TNFSF8: variants seen among roughly 807,000 people sequenced by gnomAD.
TNFSF8 encodes the protein TNF superfamily member 8.
A neutral mutation model predicts 22.0 loss-of-function variants in TNFSF8; 4 were observed. The ratio of observed to expected loss-of-function variants is 0.18; its 90% CI spans 0.09 to 0.42. TNFSF8 has a LOEUF of 0.42. Ranked by LOEUF, TNFSF8 falls within the 10% of genes least tolerant of loss-of-function variation. The pLI, the probability that TNFSF8 is intolerant of heterozygous loss-of-function variation, is 1.00. For synonymous variants in TNFSF8, 106 were observed against 112.5 expected, an observed-to-expected ratio of 0.94 and a Z score of 0.37; for missense variants, 233 against 281.8, an observed-to-expected ratio of 0.83 and a Z score of 1.24.
intron 1 of TNFSF8, among the ~76,000 whole-genome samples, chr9:114,918,634 G>T (rs1222779342): frequency 1.3e-5 from 2 of 152,094 alleles, no homozygotes; most frequent in African/African-American, 2.4e-5. Context: ...AAGGAGTCTT[G>T]CTCTGTTGCC....
Position 114,901,346 on chromosome 9 carries a change from C to G in TNFSF8, c.*2585G>C, listed in dbSNP as rs1827714438. ...TTCTCTTTTTTTGTTTGTTTGGTTACATTATTCATTTAAATGATGTACCCC... is the reference window on the plus strand; with the variant it reads ...TTCTCTTTTTTTGTTTGTTTGGTTAGATTATTCATTTAAATGATGTACCCC... On this transcript the variant is annotated 3_prime_UTR_variant, in exon 4 of 4. Coordinates refer to ENST00000223795, the MANE Select transcript of TNFSF8 (RefSeq NM_001244.4). The G allele has an allele frequency of 1.0e-6, 1 of 985,136 alleles. No homozygotes were observed. The highest frequency in any genetic ancestry group is 1.2e-6 in the Non-Finnish European group (1 of 829,900). The allele number at this position is 985,136 out of a possible 1,614,324, so 61.0% of individuals were successfully genotyped here. A position where few individuals can be genotyped will look rare whatever the true frequency, so the allele number is the denominator to read the frequency against.
upstream of TNFSF8, chr9:114,930,594 T>G: frequency 9.1e-5 from 25 of 274,078 alleles, no homozygotes; most frequent in East Asian, 4.8e-4. Flanking sequence ...AAAATGACGG[T>G]TCCCCGACTG....
chr9:114,928,573 T>G lies in TNFSF8; in HGVS notation c.195+1536A>C, dbSNP rs72756584. ...TAGTTGGATCCTTTAACTAAAGAACTTCTTAAAGGACACTTCAATTTCTTT... is the reference window on the plus strand; with the variant it reads ...TAGTTGGATCCTTTAACTAAAGAACGTCTTAAAGGACACTTCAATTTCTTT... On this transcript the variant is annotated intron_variant, in intron 1 of 3. Transcript: ENST00000223795. Among the ~76,000 whole-genome samples the G allele has an allele frequency of 7.2e-3, 1,093 of 152,318 alleles. 5 individuals are homozygous for G. The highest frequency in any genetic ancestry group is 0.013 in the Non-Finnish European group (862 of 68,020).
chr9:114,930,329 C>T lies in TNFSF8; in HGVS notation c.-26G>A. 6.9e-7 allele frequency: 1 copy of T among 1,448,436 alleles called. No individual in the cohort carries two copies. The highest frequency in any genetic ancestry group is 9.2e-7 in the Non-Finnish European group (1 of 1,089,886). The allele number at this position is 1,448,436 out of a possible 1,614,324, so 89.7% of individuals were successfully genotyped here. A position where few individuals can be genotyped will look rare whatever the true frequency, so the allele number is the denominator to read the frequency against. On this transcript the variant is annotated 5_prime_UTR_variant, in exon 1 of 4. It adds an upstream start codon to the 5' untranslated region. Transcript: ENST00000223795. ...TCTTTATATAGTCTTCCCCACATCA[C>T]ACCTTATCTCTCTTCATCTGATTCA...
chr9:114,898,789 G>A (rs1237525967), downstream of TNFSF8, among the ~76,000 whole-genome samples: 1 of 152,140 alleles, frequency 6.6e-6, no homozygotes, highest in African/African-American at 2.4e-5. Flanking sequence ...ATTGTCAGGA[G>A]GTCTGAGGAA....
At chr9:114,922,267 C>T (rs1322058) in intron 1 of TNFSF8, among the ~76,000 whole-genome samples, 55,216 of 151,962 alleles carry the variant, frequency 0.36, 10,504 homozygotes, top group Admixed American at 0.45. Flanking sequence ...CAAAATGCCC[C>T]CGTGGACCAA....
chr9:114,924,827 A>T (rs1828036124), intron 1 of TNFSF8, among the ~76,000 whole-genome samples: 1 of 152,166 alleles, frequency 6.6e-6, no homozygotes. Flanking sequence ...TCATCTGCTC[A>T]ATTTAACAGA....
chr9:114,928,549 A>G (rs1159218880), intron 1 of TNFSF8, among the ~76,000 whole-genome samples: 1 of 152,170 alleles, frequency 6.6e-6, no homozygotes, highest in Non-Finnish European at 1.5e-5. Context: ...CAGCAGTTCT[A>G]GTTGGATCCT....
In TNFSF8 at chr9:114,903,068, G is replaced by C. The variant is rs1040487654; in HGVS notation, c.*863C>G. On this transcript the variant is annotated 3_prime_UTR_variant, in exon 4 of 4. Coordinates refer to ENST00000223795, the MANE Select transcript of TNFSF8 (RefSeq NM_001244.4). ...CCATTCAGGCATTTGCCAGTGAATTGAGAGTGACCACACCCTATTTCTTTA... is the reference window on the plus strand; with the variant it reads ...CCATTCAGGCATTTGCCAGTGAATTCAGAGTGACCACACCCTATTTCTTTA... 1 of 152,246 alleles carries C rather than the reference G, an allele frequency of 6.6e-6. No homozygotes were observed. The highest frequency in any genetic ancestry group is 1.5e-5 in the Non-Finnish European group (1 of 68,096). The allele number at this position is 152,246 out of a possible 1,614,324, so 9.4% of individuals were successfully genotyped here. A position where few individuals can be genotyped will look rare whatever the true frequency, so the allele number is the denominator to read the frequency against.
intron 1 of TNFSF8, among the ~76,000 whole-genome samples, chr9:114,922,908 G>A (rs1457204279): frequency 6.6e-6 from 1 of 152,058 alleles, no homozygotes; most frequent in African/African-American, 2.4e-5. Context: ...GCATCCAGGT[G>A]ATGCCAATGT....
chr9:114,929,710 T>C (rs1440814909), intron 1 of TNFSF8, among the ~76,000 whole-genome samples: 2 of 152,018 alleles, frequency 1.3e-5, no homozygotes, highest in African/African-American at 4.8e-5. Context: ...TATGGGTCTC[T>C]GGCTCATTAA....
chr9:114,922,640 T>C (rs1216499213), intron 1 of TNFSF8, among the ~76,000 whole-genome samples: 1 of 152,160 alleles, frequency 6.6e-6, no homozygotes, highest in Non-Finnish European at 1.5e-5. Context: ...CTACATTGCC[T>C]CTCTAGATGA....
chr9:114,912,557 T>G (rs1827864803), intron 2 of TNFSF8, among the ~76,000 whole-genome samples: 1 of 151,248 alleles, frequency 6.6e-6, no homozygotes. Context: ...GCCCAGCTAA[T>G]TTTTGTATTT....
chr9:114,925,912 C>A (rs557855313), intron 1 of TNFSF8, among the ~76,000 whole-genome samples: 1 of 152,100 alleles, frequency 6.6e-6, no homozygotes, highest in African/African-American at 2.4e-5. Flanking sequence ...TAAACACCTA[C>A]CTGTGGTGTT....
At chr9:114,922,361 G>A (rs1827998979) in intron 1 of TNFSF8, among the ~76,000 whole-genome samples, 1 of 152,144 alleles carries the variant, frequency 6.6e-6, no homozygotes, top group South Asian at 2.1e-4. Flanking sequence ...GTCTTGTAAG[G>A]TGGGCTCTGG....
chr9:114,924,526 G>A (rs1478603726), intron 1 of TNFSF8, among the ~76,000 whole-genome samples: 2 of 152,100 alleles, frequency 1.3e-5, no homozygotes, highest in Non-Finnish European at 2.9e-5. Context: ...GCTGCCTCCA[G>A]CTTACTTTCA....
chr9:114,894,308 G>T, intron 4 of TNFSF8: 1 of 688,010 alleles, frequency 1.5e-6, no homozygotes, highest in Non-Finnish European at 2.5e-6. Context: ...TAAATTTTTA[G>T]ACAGAAGTGA....
chr9:114,903,871 G>T lies in TNFSF8; in HGVS notation c.*60C>A, dbSNP rs1355506714. 2.6e-6 allele frequency: 4 copies of T among 1,531,216 alleles called. No homozygotes were observed. The highest frequency in any genetic ancestry group is 2.6e-6 in the Non-Finnish European group (3 of 1,144,346). 94.9% of individuals were successfully genotyped at this position (1,531,216 alleles called of 1,614,324 possible). A position where few individuals can be genotyped will look rare whatever the true frequency, so the allele number is the denominator to read the frequency against. Reference sequence around the variant, plus strand: ...AGTTTTCTTTTTGCCCAAGTGTTTGGAGGGATGAAATACTGTATGGTAGAG... The same window carrying T: ...AGTTTTCTTTTTGCCCAAGTGTTTGTAGGGATGAAATACTGTATGGTAGAG... On this transcript the variant is annotated 3_prime_UTR_variant, in exon 4 of 4. Transcript: ENST00000223795.
intron 2 of TNFSF8, among the ~76,000 whole-genome samples, chr9:114,910,492 C>G (rs1386260274): frequency 2.6e-5 from 4 of 152,148 alleles, no homozygotes; most frequent in South Asian, 4.2e-4. Context: ...TAATCCAGGG[C>G]TCTTCTCTGA....
Sources: gnomAD v4.1 joint callset for allele counts (sites outside exome capture counted in the v4.1 genomes callset) on GRCh38, gnomAD v4.1.1 for gene constraint, MANE v1.5 for transcripts, NCBI Gene and HGNC (gene_info 2026-07-23, HGNC 2026-07-21) for gene names.